The following CYRIB variants were observed in gnomAD, a reference collection of about 807,000 sequenced individuals.
CYRIB encodes the protein CYFIP-related Rac1 interactor B.
CYRIB carries 8 observed loss-of-function variants against 44.2 expected under a neutral mutation model. The observed-to-expected ratio is 0.18, with a 90% CI of 0.11 to 0.33. The LOEUF (loss-of-function observed/expected upper bound fraction) is 0.33. Ranked by LOEUF, CYRIB falls within the 10% of genes least tolerant of loss-of-function variation. CYRIB has a pLI of 1.00. For synonymous variants in CYRIB, 131 were observed against 127.2 expected (o/e 1.03, Z -0.20); for missense variants, 185 against 382.8 (o/e 0.48, Z 4.31).
intron 1 of CYRIB, among the ~76,000 whole-genome samples, chr8:129,982,303 G>C (rs777107047): frequency 2.0e-5 from 3 of 152,200 alleles, no homozygotes; most frequent in Non-Finnish European, 4.4e-5. Context: ...GATGATCTCT[G>C]TCTGAACTAT....
intron 1 of CYRIB, among the ~76,000 whole-genome samples, chr8:129,996,827 C>G (rs192337279): frequency 1.3e-5 from 2 of 151,810 alleles, no homozygotes; most frequent in Admixed American, 1.3e-4. Context: ...TTTAAGATAC[C>G]CTGAAGATAG....
chr8:129,882,355 G>A (rs1456430373), intron 2 of CYRIB, among the ~76,000 whole-genome samples: 2 of 152,006 alleles, frequency 1.3e-5, no homozygotes, highest in Non-Finnish European at 2.9e-5. Flanking sequence ...CTATTATGAG[G>A]GTTAAATTAG....
intron 2 of CYRIB, among the ~76,000 whole-genome samples, chr8:129,950,367 C>T (rs1019125231): frequency 3.0e-4 from 46 of 152,190 alleles, no homozygotes; most frequent in African/African-American, 9.1e-4. Context: ...GTCAGGAGTT[C>T]GAGACCAGCC....
Position 129,925,180 on chromosome 8 carries a change from G to C in CYRIB, c.-50+14428C>G, listed in dbSNP as rs191785672. 4.7e-4 allele frequency among the ~76,000 whole-genome samples: 71 copies of C among 151,978 alleles called. No individual in the cohort carries two copies. The South Asian group carries it at 0.01, about 22-fold the overall frequency. ...TGGGAGGCCGAGGAAGATGGATCAC[G>C]TGAGGTCAGGAGTTCTAGACCAGCC... is the stretch of plus-strand genomic sequence containing the variant. On this transcript the variant is annotated intron_variant, in intron 1 of 11. Coordinates refer to ENST00000519824, the Ensembl canonical transcript of CYRIB.
intron 1 of CYRIB, among the ~76,000 whole-genome samples, chr8:129,935,840 C>T (rs957321697): frequency 3.3e-5 from 5 of 152,160 alleles, no homozygotes; most frequent in African/African-American, 1.2e-4. Context: ...CAAAATCACA[C>T]AATATCTTTG....
chr8:129,974,301 A>C (rs1180717918), intron 1 of CYRIB, among the ~76,000 whole-genome samples: 4 of 152,226 alleles, frequency 2.6e-5, no homozygotes, highest in African/African-American at 9.6e-5. Flanking sequence ...GTTTTTTTAA[A>C]GGAGCAAAAC....
chr8:129,869,887 C>A lies in CYRIB; in HGVS notation c.195+1488G>T, dbSNP rs184425489. Among the ~76,000 whole-genome samples the A allele has an allele frequency of 4.0e-5, 6 of 150,398 alleles. No individual in the cohort carries two copies. In the East Asian group the frequency reaches 5.8e-4, roughly 15 times the overall value. On this transcript the variant is annotated intron_variant, in intron 4 of 11. Coordinates refer to ENST00000519824, the Ensembl canonical transcript of CYRIB. ...AACACTCAATAGTAATGTTTTACCT[C>A]CCCCCCGCCCAAAAAAAGGAATGGT... is the stretch of plus-strand genomic sequence containing the variant.
At chr8:129,941,494 G>A (rs908878378), upstream of CYRIB, among the ~76,000 whole-genome samples, 25 of 152,002 alleles carry the variant, frequency 1.6e-4, no homozygotes, top group African/African-American at 6.0e-4. Flanking sequence ...GGCTGCTCCC[G>A]AACTCCTGAG....
intron 1 of CYRIB, among the ~76,000 whole-genome samples, chr8:129,996,780 T>A (rs1335692306): frequency 1.3e-5 from 2 of 152,180 alleles, no homozygotes; most frequent in African/African-American, 4.8e-5. Context: ...CTGTTTGGGA[T>A]CTAATGTATT....
At chr8:129,997,119 A>AGAAGG (rs1554770832) in intron 1 of CYRIB, among the ~76,000 whole-genome samples, 1 of 89,894 alleles carries the variant, frequency 1.1e-5, no homozygotes, top group South Asian at 4.1e-4. Context: ...GGAAGGAAGG[A>AGAAGG]AGGAGGAGGA....
chr8:129,867,214 C>T (rs1398930251), intron 4 of CYRIB, among the ~76,000 whole-genome samples: 1 of 151,472 alleles, frequency 6.6e-6, no homozygotes, highest in Non-Finnish European at 1.5e-5. Context: ...ACCTCCACCA[C>T]CCAGGTACAA....
At chr8:129,912,864 G>T (rs1394467918) in intron 1 of CYRIB, among the ~76,000 whole-genome samples, 1 of 151,490 alleles carries the variant, frequency 6.6e-6, no homozygotes, top group African/African-American at 2.4e-5. Flanking sequence ...GAAAACAAGT[G>T]TGTTCTCTAC....
chr8:129,930,365 T>TTTTATTTATATATATATATATATATA (rs369665802), intron 1 of CYRIB, among the ~76,000 whole-genome samples: 3 of 50,414 alleles, frequency 6.0e-5, no homozygotes, highest in Non-Finnish European at 1.2e-4. Context: ...TGTGAAGTGC[T>TTTTATTTATATATATATATATATATA]TATATATATA....
chr8:129,901,525 A>T (rs1488233508), intron 2 of CYRIB: 9 of 152,140 alleles, frequency 5.9e-5, no homozygotes, highest in African/African-American at 2.2e-4. Context: ...TAACTACTTA[A>T]GATTAGTCAT....
intron 11 of CYRIB, chr8:129,844,200 T>C (rs1021970500): frequency 4.6e-5 from 7 of 152,186 alleles, no homozygotes; most frequent in South Asian, 4.1e-4. Flanking sequence ...GTTAAAAGTA[T>C]CACTACTCAG....
intron 2 of CYRIB, among the ~76,000 whole-genome samples, chr8:129,957,146 G>C (rs2094898001): frequency 6.6e-6 from 1 of 152,164 alleles, no homozygotes; most frequent in Non-Finnish European, 1.5e-5. Context: ...ACAGGCATGA[G>C]CCACTGTGCA....
At chr8:129,947,771 T>C (rs1391648644) in intron 2 of CYRIB, 1 of 152,266 alleles carries the variant, frequency 6.6e-6, no homozygotes, top group Non-Finnish European at 1.5e-5. Flanking sequence ...CACATATTTT[T>C]ATTAAAATGG....
At chr8:129,946,727 G>A (rs914990639) in intron 2 of CYRIB, among the ~76,000 whole-genome samples, 1 of 152,172 alleles carries the variant, frequency 6.6e-6, no homozygotes, top group Non-Finnish European at 1.5e-5. Flanking sequence ...TTATCTATGA[G>A]CCTCCGGCAC....
At chr8:129,947,702 C>T (rs2094247496) in intron 2 of CYRIB, 1 of 152,194 alleles carries the variant, frequency 6.6e-6, no homozygotes, top group South Asian at 2.1e-4. Context: ...GATCCAACCA[C>T]CCACACCATG....
Sources: allele counts gnomAD v4.1 joint callset (sites outside exome capture counted in the v4.1 genomes callset), GRCh38; gene constraint gnomAD v4.1.1; transcripts MANE v1.5; gene names NCBI Gene and HGNC (gene_info 2026-07-23, HGNC 2026-07-21).